The following SYNCRIP variants were observed in gnomAD, a reference collection of about 807,000 sequenced individuals.
SYNCRIP encodes the protein synaptotagmin binding cytoplasmic RNA interacting protein, also known as heterogeneous nuclear ribonucleoprotein Q.
SYNCRIP carries 9 observed loss-of-function variants against 68.9 expected under a neutral mutation model. The ratio of observed to expected loss-of-function variants is 0.13; its 90% confidence interval spans 0.08 to 0.23. SYNCRIP has a LOEUF of 0.23. Ranked by LOEUF, SYNCRIP falls within the 10% of genes least tolerant of loss-of-function variation. The pLI is 1.00. For synonymous variants in SYNCRIP, 258 were observed against 254.0 expected (o/e 1.02, Z -0.15); for missense variants, 414 against 770.6 (o/e 0.54, Z 5.48).
chr6:85,618,996 T>C (rs1806087261), intron 9 of SYNCRIP, 57 bp from the exon 10 acceptor site: 2 of 1,522,980 alleles, frequency 1.3e-6, no homozygotes, highest in Non-Finnish European at 1.8e-6. Context: ...TTATGATTCA[T>C]TTAAAGTTGG....
At chr6:85,627,449 G>A (rs544960880) in intron 6 of SYNCRIP, among the ~76,000 whole-genome samples, 26 of 151,890 alleles carry the variant, frequency 1.7e-4, no homozygotes, top group East Asian at 3.9e-4. Context: ...TACGGATTAC[G>A]CATGCTTTTT....
At chr6:85,631,512 G>C (rs1050251323) in intron 6 of SYNCRIP, among the ~76,000 whole-genome samples, 1 of 152,124 alleles carries the variant, frequency 6.6e-6, no homozygotes, top group African/African-American at 2.4e-5. Context: ...CAAATATAAA[G>C]GGCAACAGAA....
chr6:85,615,779 C>T (rs1320427565), intron 10 of SYNCRIP, among the ~76,000 whole-genome samples: 1 of 152,176 alleles, frequency 6.6e-6, no homozygotes, highest in Non-Finnish European at 1.5e-5. Flanking sequence ...CACTGCACTC[C>T]AGCCTGGGTG....
chr6:85,623,823 C>G (rs1188058039), intron 7 of SYNCRIP, among the ~76,000 whole-genome samples, 154 bp downstream of exon 7: 1 of 152,134 alleles, frequency 6.6e-6, no homozygotes, highest in Non-Finnish European at 1.5e-5. Flanking sequence ...GCCTGTTCTT[C>G]TTATCTGAAA....
downstream of SYNCRIP, chr6:85,611,619 T>C (rs1216265120): frequency 6.6e-6 from 1 of 152,410 alleles, no homozygotes; most frequent in Non-Finnish European, 1.5e-5. Context: ...AAAAAAATTT[T>C]TGAGGGTGGT....
At chr6:85,629,552 G>A (rs985991270) in intron 6 of SYNCRIP, among the ~76,000 whole-genome samples, 28 of 150,324 alleles carry the variant, frequency 1.9e-4, no homozygotes, top group East Asian at 9.7e-4. Flanking sequence ...GGCCGGGTGC[G>A]GTGGCTCATG....
intron 6 of SYNCRIP, among the ~76,000 whole-genome samples, chr6:85,630,788 C>T (rs1468885022): frequency 6.6e-6 from 1 of 152,110 alleles, no homozygotes; most frequent in East Asian, 1.9e-4. Context: ...TAATGGGGCA[C>T]AGTTCTAAAT....
intron 6 of SYNCRIP, among the ~76,000 whole-genome samples, chr6:85,627,270 CAA>C (rs1294163865): frequency 6.4e-5 from 3 of 47,036 alleles, no homozygotes. Context: ...TCCATCTCTA[CAA>C]AAAAAAAAAA....
Position 85,641,332 on chromosome 6 carries a change from T to C in SYNCRIP, c.108A>G (p.Pro36=). ...NFQTLLDAGL[P]QKVAEKLDEI... ...CATCTAGTTTTTCAGCAACTTTCTGTGGTAAACCAGCATCAAGCAATGTCT... is the reference window on the plus strand; with the variant it reads ...CATCTAGTTTTTCAGCAACTTTCTGCGGTAAACCAGCATCAAGCAATGTCT... Residue 36 remains proline (P), a synonymous_variant, in exon 2 of 11, where the codon CCA becomes CCG. Transcript: ENST00000369622. 1.2e-6 allele frequency: 2 copies of C among 1,612,256 alleles called. No individual in the cohort carries two copies. The highest frequency in any genetic ancestry group is 1.7e-6 in the Non-Finnish European group (2 of 1,180,010).
rs768168948 is a variant in SYNCRIP at position 85,637,128 on chromosome 6, T to G, written c.505A>C (p.Ile169Leu). Residue 169 changes from isoleucine (I) to leucine (L), a missense_variant, in exon 6 of 11, where the codon ATC becomes CTC. Transcript: ENST00000369622. ...SVGTEIFVGK[I>L]PRDLFEDELV... ...TCATCCTCAAATAGATCTCTTGGGA[T>G]CTTTCCCACAAATATCTGTAAATTA... The G allele has an allele frequency of 1.2e-6, 2 of 1,610,274 alleles. No individual in the cohort carries two copies. Among genetic ancestry groups the G allele is most frequent in the Non-Finnish European group, 1.7e-6 (2 of 1,179,074 alleles).
intron 4 of SYNCRIP, among the ~76,000 whole-genome samples, chr6:85,638,617 G>A (rs1441250317): frequency 1.3e-5 from 2 of 152,002 alleles, no homozygotes; most frequent in Non-Finnish European, 2.9e-5. Context: ...AAAATTACTG[G>A]ACAGATTTTT....
intron 6 of SYNCRIP, among the ~76,000 whole-genome samples, chr6:85,632,347 A>G (rs572499890): frequency 1.3e-5 from 2 of 152,356 alleles, no homozygotes; most frequent in South Asian, 4.1e-4. Flanking sequence ...ATTTAGTTAT[A>G]TATAACTAGA....
intron 10 of SYNCRIP, among the ~76,000 whole-genome samples, chr6:85,616,867 G>C (rs1254278079): frequency 6.6e-6 from 1 of 152,118 alleles, no homozygotes; most frequent in African/African-American, 2.4e-5. Flanking sequence ...TCATAACTGA[G>C]AAAGGGGGTG....
At chr6:85,629,645 A>C (rs1163840460) in intron 6 of SYNCRIP, among the ~76,000 whole-genome samples, 1 of 152,008 alleles carries the variant, frequency 6.6e-6, no homozygotes, top group African/African-American at 2.4e-5. Flanking sequence ...AATATGGTGA[A>C]ACCCCATCTC....
chr6:85,634,095 T>C (rs754009371), intron 6 of SYNCRIP, among the ~76,000 whole-genome samples: 2 of 152,202 alleles, frequency 1.3e-5, no homozygotes, highest in Non-Finnish European at 2.9e-5. Flanking sequence ...TGCTTATCTA[T>C]AGAAGTTTCT....
In SYNCRIP at chr6:85,615,219, T is replaced by C; in HGVS notation, c.1409A>G (p.Tyr470Cys). The C allele has an allele frequency of 6.2e-7, 1 of 1,609,142 alleles. No homozygotes were observed. Among genetic ancestry groups the C allele is most frequent in the Non-Finnish European group, 8.5e-7 (1 of 1,176,734 alleles). The change falls in exon 11 of 11, where the codon TAT (tyrosine) becomes TGT (cysteine). Residue 470 changes from tyrosine to cysteine, a missense_variant. By Grantham distance (194) the Tyr-to-Cys change is radical. This residue lies in a region of SYNCRIP where 72 missense variants were observed against 119.8 expected (regional missense o/e 0.60). Transcript: ENST00000369622. ...YYGYEDYYDY[Y>C]GYDYHNYRGG... ...ACGATAGTTATGGTAATCATAACCA[T>C]AATAATCATAATAATCTTCATATCC...
intron 6 of SYNCRIP, among the ~76,000 whole-genome samples, chr6:85,625,719 A>C (rs1267751178): frequency 6.6e-6 from 1 of 152,086 alleles, no homozygotes; most frequent in Non-Finnish European, 1.5e-5. Flanking sequence ...GGCTCTGAAG[A>C]AATTGCCTTC....
chr6:85,619,064 A>G (rs1247620561), intron 9 of SYNCRIP, 125 bp from the exon 10 acceptor site: 4 of 1,200,850 alleles, frequency 3.3e-6, no homozygotes, highest in Non-Finnish European at 3.5e-6. Flanking sequence ...AGGCAGTCAA[A>G]TAATTTTATT....
Position 85,625,032 on chromosome 6 carries a change from A to G in SYNCRIP, c.667-920T>C, listed in dbSNP as rs926985689. ...AACTTTATAGAAATACCTTACAGCA[A>G]AAGAAACCATTCTTCTATTATGCCC... On this transcript the variant is annotated intron_variant, in intron 6 of 10. Coordinates refer to ENST00000369622, the MANE Select transcript of SYNCRIP (RefSeq NM_006372.5). Among the ~76,000 whole-genome samples, 3 of 152,198 alleles carry G rather than the reference A, an allele frequency of 2.0e-5. No individual in the cohort carries two copies. In the East Asian group the frequency reaches 5.8e-4, roughly 29 times the overall value.
Sources: gnomAD v4.1 joint callset for allele counts (sites outside exome capture counted in the v4.1 genomes callset) on GRCh38, gnomAD v4.1.1 for gene constraint, gnomAD v4.1.1 regional missense constraint, MANE v1.5 for transcripts, NCBI Gene and HGNC (gene_info 2026-07-23, HGNC 2026-07-21) for gene names.